NXPE2: variants seen among roughly 807,000 people sequenced by gnomAD.
NXPE2 encodes neurexophilin and PC-esterase domain family member 2.
In NXPE2, 34 loss-of-function variants were observed where a neutral mutation model predicts 34.4. The observed-to-expected ratio is 0.99, with a 90% CI of 0.75 to 1.31. The LOEUF (loss-of-function observed/expected upper bound fraction) is 1.31. NXPE2 is among the 40% of genes most tolerant of loss of function. NXPE2 has a pLI of 0.00. For synonymous variants in NXPE2, 235 were observed against 231.3 expected (o/e 1.02, Z -0.15); for missense variants, 649 against 672.5 (o/e 0.97, Z 0.39).
chr11:114,627,140 C>A, the NXPE2 span, among the ~76,000 whole-genome samples: 452 of 151,936 alleles, frequency 3.0e-3, 1 homozygote, highest in Non-Finnish European at 4.6e-3. Context: ...CAAGGCAGGC[C>A]AACGTTCAGA....
At chr11:114,670,261 G>C in the NXPE2 span, among the ~76,000 whole-genome samples, 1 of 152,016 alleles carries the variant, frequency 6.6e-6, no homozygotes, top group Non-Finnish European at 1.5e-5. Flanking sequence ...ATAAGACATG[G>C]TCAAAGAGAG....
the NXPE2 span, among the ~76,000 whole-genome samples, chr11:114,638,293 G>A: frequency 2.4e-4 from 37 of 151,724 alleles, no homozygotes; most frequent in African/African-American, 8.5e-4. Context: ...TGTAGTTCTC[G>A]AGCCTTGGTT....
chr11:114,602,664 AATT>A, the NXPE2 span, among the ~76,000 whole-genome samples: 3 of 142,142 alleles, frequency 2.1e-5, no homozygotes, highest in South Asian at 6.9e-4. Context: ...CATATATAAT[AATT>A]ACAGAATCAT....
At chr11:114,639,881 AAT>A in the NXPE2 span, among the ~76,000 whole-genome samples, 3 of 47,730 alleles carry the variant, frequency 6.3e-5, no homozygotes, top group East Asian at 5.0e-4. Flanking sequence ...TTAAATATAA[AAT>A]ATGTTATATA....
the NXPE2 span, among the ~76,000 whole-genome samples, chr11:114,520,985 G>C: frequency 6.6e-6 from 1 of 152,184 alleles, no homozygotes; most frequent in Non-Finnish European, 1.5e-5. Context: ...CCATAGTAAA[G>C]TTCCAATCAA....
the NXPE2 span, among the ~76,000 whole-genome samples, chr11:114,558,123 G>A: frequency 6.6e-6 from 1 of 151,600 alleles, no homozygotes; most frequent in African/African-American, 2.4e-5. Context: ...GAGACTATAA[G>A]CAAGTCTACT....
At chr11:114,626,266 A>T in the NXPE2 span, among the ~76,000 whole-genome samples, 8 of 152,342 alleles carry the variant, frequency 5.3e-5, no homozygotes, top group African/African-American at 1.9e-4. Flanking sequence ...CTGCAGACTT[A>T]AATGTCCCAG....
At chr11:114,707,352 T>C, downstream of NXPE2, 1 of 364,704 alleles carries the variant, frequency 2.7e-6, no homozygotes, top group Non-Finnish European at 5.4e-6. Context: ...CACCTCGGCC[T>C]CCCAAAGTGC....
the NXPE2 span, among the ~76,000 whole-genome samples, chr11:114,770,375 G>C: frequency 6.6e-6 from 1 of 152,206 alleles, no homozygotes; most frequent in Non-Finnish European, 1.5e-5. Context: ...CAGTATGTGT[G>C]TGGCTATGTG....
chr11:114,691,148 G>A (rs1192774109), intron 2 of NXPE2, among the ~76,000 whole-genome samples: 1 of 151,998 alleles, frequency 6.6e-6, no homozygotes, highest in East Asian at 1.9e-4. Flanking sequence ...GAAACACTCT[G>A]GTTTTTTGTA....
At chr11:114,621,454 G>A in the NXPE2 span, among the ~76,000 whole-genome samples, 12,313 of 150,646 alleles carry the variant, frequency 0.082, 677 homozygotes, top group Non-Finnish European at 0.12. Context: ...CTGTTACCCA[G>A]TGGATAATAA....
the NXPE2 span, among the ~76,000 whole-genome samples, chr11:114,813,080 G>A: frequency 1.3e-5 from 2 of 152,168 alleles, no homozygotes; most frequent in African/African-American, 4.8e-5. Flanking sequence ...AGAGAATCTT[G>A]ATAGCTATTT....
chr11:114,781,310 G>A, the NXPE2 span, among the ~76,000 whole-genome samples: 4 of 152,204 alleles, frequency 2.6e-5, no homozygotes, highest in Non-Finnish European at 5.9e-5. Context: ...AGACAGAATT[G>A]CTTTTCCCAA....
chr11:114,526,713 G>A, the NXPE2 span: 1 of 152,108 alleles, frequency 6.6e-6, no homozygotes, highest in Non-Finnish European at 1.5e-5. Context: ...GAATTATCAG[G>A]TAAAAAGAGT....
At position 114,706,740 on chromosome 11, in the gene NXPE2, A is replaced by G. The variant is rs1404423191; in HGVS notation, c.1490A>G (p.Gln497Arg). ...LKTENTREIE[Q>R]NAEMFSDFHG... ...ACTGAAAACACCAGAGAGATAGAAC[A>G]AAATGCAGAGATGTTCAGTGACTTT... The change falls in exon 6 of 6, where the codon CAA becomes CGA. Residue 497 changes from glutamine to arginine, a missense_variant. Coordinates refer to ENST00000389586, the MANE Select transcript of NXPE2 (RefSeq NM_182495.6). The G allele has an allele frequency of 8.4e-6, 13 of 1,552,428 alleles. No homozygotes were observed. Among genetic ancestry groups the G allele is most frequent in the Non-Finnish European group, 1.1e-5 (13 of 1,147,106 alleles).
chr11:114,706,704 T>C lies in NXPE2; in HGVS notation c.1454T>C (p.Val485Ala). 1.9e-6 allele frequency: 3 copies of C among 1,552,168 alleles called. No homozygotes were observed. Among genetic ancestry groups the C allele is most frequent in the Non-Finnish European group, 2.6e-6 (3 of 1,147,066 alleles). The change falls in exon 6 of 6, where the codon GTG becomes GCG. Residue 485 changes from valine to alanine, a missense_variant. Transcript: ENST00000389586. Reference protein sequence around the residue: ...RLFLRSPETKVILKTENTREI... With the variant: ...RLFLRSPETKAILKTENTREI... ...TTCTTGCGAAGCCCGGAGACCAAGGTGATACTTAAAACTGAAAACACCAGA... is the reference window on the plus strand; with the variant it reads ...TTCTTGCGAAGCCCGGAGACCAAGGCGATACTTAAAACTGAAAACACCAGA...
At chr11:114,726,183 G>A in the NXPE2 span, among the ~76,000 whole-genome samples, 5,412 of 151,564 alleles carry the variant, frequency 0.036, 329 homozygotes, top group African/African-American at 0.12. Flanking sequence ...CAAAGATATT[G>A]TTCTTCTGTT....
At chr11:114,655,530 G>C in the NXPE2 span, among the ~76,000 whole-genome samples, 1 of 152,142 alleles carries the variant, frequency 6.6e-6, no homozygotes, top group Non-Finnish European at 1.5e-5. Context: ...TCCAGTTTCA[G>C]TTTTCTGCAT....
chr11:114,678,860 G>T (rs1249105749), intron 1 of NXPE2, among the ~76,000 whole-genome samples: 1 of 151,736 alleles, frequency 6.6e-6, no homozygotes, highest in African/African-American at 2.4e-5. Flanking sequence ...ATGTGTGTGT[G>T]TGTGTTTGTG....
Sources: gnomAD v4.1 joint callset for allele counts (sites outside exome capture counted in the v4.1 genomes callset) on GRCh38, gnomAD v4.1.1 for gene constraint, MANE v1.5 for transcripts, NCBI Gene and HGNC (gene_info 2026-07-23, HGNC 2026-07-21) for gene names.